The following NCOA2 variants were observed in gnomAD, a reference collection of about 807,000 sequenced individuals.
NCOA2 encodes the protein class E basic helix-loop-helix protein 75.
Under a neutral mutation model 145.1 loss-of-function variants are expected in NCOA2, and 21 were observed. The ratio of observed to expected loss-of-function variants is 0.14; its 90% CI spans 0.10 to 0.21. NCOA2 has a LOEUF of 0.21. Among genes scored for constraint, NCOA2 ranks in the 10% least tolerant of loss-of-function variants. The pLI is 1.00. For synonymous variants in NCOA2, 619 were observed against 637.5 expected, an observed-to-expected ratio of 0.97 and a Z score of 0.44; for missense variants, 1,472 against 1,837.6, an observed-to-expected ratio of 0.80 and a Z score of 3.64.
intron 1 of NCOA2, among the ~76,000 whole-genome samples, chr8:70,298,724 A>C (rs116061358): frequency 0.012 from 1,809 of 152,280 alleles, 49 homozygotes; most frequent in African/African-American, 0.041. Context: ...TTTTATTAAT[A>C]AGCTACCATA....
rs1563762022 is a variant in NCOA2, at chr8:70,321,792, C to CTTTTTTTTTTTT, written c.-76-24993_-76-24992insAAAAAAAAAAAA. On this transcript the variant is annotated intron_variant, in intron 1 of 22. Transcript: ENST00000452400. ...ATGCTTTCCTAAGTTTCAGAATATA[C>CTTTTTTTTTTTT]CTTTTTTTTTTTTTTTTTTTTTTTT... Among the ~76,000 whole-genome samples, 7 of 97,528 alleles carry CTTTTTTTTTTTT rather than the reference C, an allele frequency of 7.2e-5. 1 individual carries two copies. Among genetic ancestry groups the CTTTTTTTTTTTT allele is most frequent in the South Asian group, 4.7e-4 (1 of 2,118 alleles). The allele number at this position is 97,528 out of a possible 152,430, so 64.0% of individuals were successfully genotyped here.
chr8:70,440,264 G>A, the NCOA2 span, among the ~76,000 whole-genome samples: 2 of 151,838 alleles, frequency 1.3e-5, no homozygotes, highest in Admixed American at 6.6e-5. Context: ...GCAACAGAGC[G>A]AGACTCCGTC....
At chr8:70,316,677 T>C (rs994917012) in intron 1 of NCOA2, among the ~76,000 whole-genome samples, 1 of 152,152 alleles carries the variant, frequency 6.6e-6, no homozygotes, top group Admixed American at 6.5e-5. Flanking sequence ...TCAGTTTTTT[T>C]CTGAAAATGG....
At chr8:70,173,372 T>C (rs1460437708) in intron 5 of NCOA2, among the ~76,000 whole-genome samples, 2 of 152,146 alleles carry the variant, frequency 1.3e-5, no homozygotes, top group Non-Finnish European at 2.9e-5. Context: ...AATTTCCCAA[T>C]TGTAATAATT....
chr8:70,299,613 T>C (rs1827341387), intron 1 of NCOA2, among the ~76,000 whole-genome samples: 1 of 152,160 alleles, frequency 6.6e-6, no homozygotes, highest in South Asian at 2.1e-4. Context: ...AAATGGAAAT[T>C]GAAACCACAA....
chr8:70,270,474 G>A (rs1216916587), intron 2 of NCOA2, among the ~76,000 whole-genome samples: 1 of 152,016 alleles, frequency 6.6e-6, no homozygotes, highest in Non-Finnish European at 1.5e-5. Flanking sequence ...GACGGCCACG[G>A]GACAGGCGAC....
rs890653885 is a variant in NCOA2, at chr8:70,149,239, G to GT, written c.2395-757dup. ...CAGAAGCTATAAAAATGTTTTTTTT[G>GT]TTTTTTTTTTTCTGAGAAAGGGTCT... On this transcript the variant is annotated intron_variant, in intron 11 of 22. Transcript: ENST00000452400. 4.6e-3 allele frequency among the ~76,000 whole-genome samples: 666 copies of GT among 144,720 alleles called. 5 individuals are homozygous for GT. The highest frequency in any genetic ancestry group is 8.8e-3 in the African/African-American group (350 of 39,602). The allele number at this position is 144,720 out of a possible 152,430, so 94.9% of individuals were successfully genotyped here.
At chr8:70,167,844 G>T (rs1324334798) in intron 6 of NCOA2, among the ~76,000 whole-genome samples, 1 of 152,162 alleles carries the variant, frequency 6.6e-6, no homozygotes, top group Non-Finnish European at 1.5e-5. Context: ...GAATTAAAGG[G>T]TGTTTATGGA....
In NCOA2 at chr8:70,302,893, G is replaced by C. The variant is rs561276861; in HGVS notation, c.-76-6093C>G. On this transcript the variant is annotated intron_variant, in intron 1 of 22. Coordinates refer to ENST00000452400, the MANE Select transcript of NCOA2 (RefSeq NM_006540.4). ...TCAGTTTAAAAATTCTTAAGCTACA[G>C]TTACATACACATCCACTATTTACAT... Among the ~76,000 whole-genome samples the C allele has an allele frequency of 3.9e-5, 6 of 152,234 alleles. No individual in the cohort carries two copies. In the South Asian group the frequency reaches 1.0e-3, roughly 26 times the overall value.
chr8:70,353,727 A>C (rs997885618), intron 1 of NCOA2, among the ~76,000 whole-genome samples: 1 of 151,964 alleles, frequency 6.6e-6, no homozygotes, highest in South Asian at 2.1e-4. Context: ...CAACCCTGAT[A>C]ATCTCCCATA....
At chr8:70,149,361 A>T (rs752541096) in intron 11 of NCOA2, among the ~76,000 whole-genome samples, 11 of 150,990 alleles carry the variant, frequency 7.3e-5, no homozygotes, top group Non-Finnish European at 1.3e-4. Flanking sequence ...GAGCCTCCTC[A>T]GTAGCTGGGA....
At chr8:70,347,570 C>G (rs1356152288) in intron 1 of NCOA2, among the ~76,000 whole-genome samples, 1 of 151,908 alleles carries the variant, frequency 6.6e-6, no homozygotes, top group East Asian at 1.9e-4. Flanking sequence ...GTAAGAGGAT[C>G]ACTTGAGCCT....
At chr8:70,414,940 A>T in the NCOA2 span, among the ~76,000 whole-genome samples, 1 of 152,160 alleles carries the variant, frequency 6.6e-6, no homozygotes, top group Non-Finnish European at 1.5e-5. Flanking sequence ...AAATGATAAA[A>T]AAAAAAGATA....
chr8:70,365,258 C>T (rs1187320881), intron 1 of NCOA2, among the ~76,000 whole-genome samples: 3 of 151,980 alleles, frequency 2.0e-5, no homozygotes, highest in Admixed American at 6.6e-5. Flanking sequence ...ATTGAGCCTG[C>T]GAGGTCGAGG....
At chr8:70,364,206 G>C (rs1265750192) in intron 1 of NCOA2, among the ~76,000 whole-genome samples, 2 of 151,874 alleles carry the variant, frequency 1.3e-5, no homozygotes, top group Non-Finnish European at 2.9e-5. Flanking sequence ...ACCAAATAAA[G>C]GGGCTATGGC....
At chr8:70,452,029 C>T in the NCOA2 span, among the ~76,000 whole-genome samples, 4 of 152,096 alleles carry the variant, frequency 2.6e-5, no homozygotes, top group African/African-American at 9.7e-5. Context: ...GGCTGGAATG[C>T]AGTGTCACCA....
chr8:70,138,115 A>G (rs764092460), intron 15 of NCOA2, 88 bp downstream of exon 15: 8 of 1,406,622 alleles, frequency 5.7e-6, no homozygotes, highest in Non-Finnish European at 7.7e-6. Flanking sequence ...ATAAATGAAA[A>G]CTGGTCAGGC....
chr8:70,455,813 C>G, the NCOA2 span, among the ~76,000 whole-genome samples: 1 of 151,812 alleles, frequency 6.6e-6, no homozygotes, highest in Non-Finnish European at 1.5e-5. Context: ...CTAACAATTT[C>G]AGAACAATTA....
intron 1 of NCOA2, among the ~76,000 whole-genome samples, chr8:70,326,589 C>A (rs893927969): frequency 6.6e-6 from 1 of 151,948 alleles, no homozygotes; most frequent in Non-Finnish European, 1.5e-5. Flanking sequence ...AAACTGATAG[C>A]AAATTTTTAA....
Sources: allele counts gnomAD v4.1 joint callset (sites outside exome capture counted in the v4.1 genomes callset), GRCh38; gene constraint gnomAD v4.1.1; transcripts MANE v1.5; gene names NCBI Gene and HGNC (gene_info 2026-07-23, HGNC 2026-07-21).